SANBR: variants seen among roughly 807,000 people sequenced by gnomAD.
SANBR encodes SANT and BTB domain regulator of CSR.
Under a neutral mutation model 101.8 loss-of-function variants are expected in SANBR, and 77 were observed. The ratio of observed to expected loss-of-function variants is 0.76; its 90% confidence interval spans 0.63 to 0.91. The LOEUF (loss-of-function observed/expected upper bound fraction) is 0.91, where lower values mean the gene tolerates loss of function less well. Among genes scored for constraint, SANBR ranks in the 40% least tolerant of loss-of-function variants. The probability of loss-of-function intolerance (pLI) is 0.00; values close to 1 mark genes in which losing one functional copy is unlikely to be tolerated. For synonymous variants in SANBR, 279 were observed against 274.7 expected, an observed-to-expected ratio of 1.02 and a Z score of -0.15; for missense variants, 875 against 853.0, an observed-to-expected ratio of 1.03 and a Z score of -0.32.
chr2:61,077,043 G>T lies in SANBR; in HGVS notation c.555G>T (p.Gln185His), dbSNP rs927350334. The T allele has an allele frequency of 6.2e-7, 1 of 1,613,982 alleles. No homozygotes were observed. The highest frequency in any genetic ancestry group is 8.5e-7 in the Non-Finnish European group (1 of 1,179,884). ...CTGAATATTTATCTATGGATGCCCAGCGCTGGGAAGAGGTGGACATTTCAG... is the reference window on the plus strand; with the variant it reads ...CTGAATATTTATCTATGGATGCCCATCGCTGGGAAGAGGTGGACATTTCAG... ...YFAEYLSMDAQRWEEVDISVH... is the reference protein window; with the variant it reads ...YFAEYLSMDAHRWEEVDISVH... The change falls in exon 6 of 22, where the codon CAG (glutamine) becomes CAT (histidine). Residue 185 changes from glutamine to histidine, a missense_variant. Coordinates refer to ENST00000402291, the MANE Select transcript of SANBR (RefSeq NM_001129993.3).
At chr2:61,108,204 G>GA (rs1683665461) in intron 14 of SANBR, 113 bp from the exon 15 acceptor site, 1 of 553,302 alleles carries the variant, frequency 1.8e-6, no homozygotes, top group African/African-American at 2.0e-5. Flanking sequence ...TTTCAGCCTG[G>GA]AAGGGAACTA....
intron 21 of SANBR, among the ~76,000 whole-genome samples, chr2:61,136,186 C>T (rs780049632): frequency 4.0e-5 from 6 of 151,856 alleles, no homozygotes; most frequent in Non-Finnish European, 5.9e-5. Flanking sequence ...TGCCTGTAGT[C>T]CCAGCTACTC....
intron 20 of SANBR, among the ~76,000 whole-genome samples, chr2:61,118,461 G>A (rs1239550896): frequency 4.0e-5 from 6 of 151,198 alleles, no homozygotes; most frequent in African/African-American, 7.3e-5. Context: ...GGCTGGTCTC[G>A]AACTCCTGAC....
In SANBR at chr2:61,092,588, G is replaced by A; in HGVS notation, c.1212+1G>A. ...GCTGACTTGTTCAAGATGTTATCAG[G>A]TAAGATTTTTTTTTTTAAATATCCT... On this transcript the variant is annotated splice_donor_variant, in intron 11 of 21. Transcript: ENST00000402291. LOFTEE classifies it high-confidence loss of function. 1 of 1,576,738 alleles carries A rather than the reference G, an allele frequency of 6.3e-7. No individual in the cohort carries two copies.
At chr2:61,097,891 A>G (rs1230812138) in intron 12 of SANBR, 39 bp downstream of exon 12, 6 of 1,545,748 alleles carry the variant, frequency 3.9e-6, no homozygotes, top group East Asian at 2.3e-5. Context: ...TACAGTTTTT[A>G]AAGTATAACA....
intron 7 of SANBR, among the ~76,000 whole-genome samples, chr2:61,081,939 G>A (rs1178782247): frequency 2.0e-5 from 3 of 151,648 alleles, no homozygotes; most frequent in East Asian, 1.9e-4. Context: ...GTGAGCCACC[G>A]CACCCAGCCA....
intron 15 of SANBR, among the ~76,000 whole-genome samples, chr2:61,108,817 A>AT (rs1683689138): frequency 6.6e-6 from 1 of 152,194 alleles, no homozygotes; most frequent in Admixed American, 6.6e-5. Flanking sequence ...CCAGGACCAC[A>AT]TTCACCCAGA....
At chr2:61,105,389 G>T (rs1683507004) in intron 13 of SANBR, among the ~76,000 whole-genome samples, 2 of 151,670 alleles carry the variant, frequency 1.3e-5, no homozygotes, top group South Asian at 4.2e-4. Context: ...CATTTCAGTT[G>T]GAGTTTCGCT....
At chr2:61,075,940 T>C (rs1483925321) in intron 5 of SANBR, among the ~76,000 whole-genome samples, 1 of 152,002 alleles carries the variant, frequency 6.6e-6, no homozygotes, top group East Asian at 1.9e-4. Flanking sequence ...AATTAGAGTG[T>C]GTTGCTTAAT....
At chr2:61,115,900 G>T (rs1023245214) in intron 16 of SANBR, 79 bp from the exon 17 acceptor site, 1 of 804,596 alleles carries the variant, frequency 1.2e-6, no homozygotes. Context: ...TTTCTTAATG[G>T]TCTTATTGTT....
At chr2:61,076,533 C>T (rs1252702327) in intron 5 of SANBR, among the ~76,000 whole-genome samples, 1 of 147,872 alleles carries the variant, frequency 6.8e-6, no homozygotes, top group Non-Finnish European at 1.5e-5. Flanking sequence ...GAGGCTGAGG[C>T]AGGAGAATGG....
In SANBR at chr2:61,121,175, T is replaced by C; in HGVS notation, c.2029-10T>C. The C allele has an allele frequency of 6.5e-7, 1 of 1,542,874 alleles. No homozygotes were observed. The highest frequency in any genetic ancestry group is 8.8e-7 in the Non-Finnish European group (1 of 1,139,308). ...TGTGAAGATAACAGTATTGCTTCTTTATTCTGCAGTTTGCAGGAGGTATTT... is the reference window on the plus strand; with the variant it reads ...TGTGAAGATAACAGTATTGCTTCTTCATTCTGCAGTTTGCAGGAGGTATTT... On this transcript the variant is annotated splice_polypyrimidine_tract_variant and intron_variant, in intron 20 of 21. Coordinates refer to ENST00000402291, the MANE Select transcript of SANBR (RefSeq NM_001129993.3).
Position 61,070,496 on chromosome 2 carries a change from A to G in SANBR, c.146A>G (p.Lys49Arg). 1 of 1,606,240 alleles carries G rather than the reference A, an allele frequency of 6.2e-7. No individual in the cohort carries two copies. Among genetic ancestry groups the G allele is most frequent in the East Asian group, 2.3e-5 (1 of 44,320 alleles). ...IARLVPGLTP[K>R]ECAKRFDELK... Reference sequence around the variant, plus strand: ...AGGCTCGTGCCTGGATTAACACCAAAAGAGGTAAATAACAGTCCCCCCAGA... The same window carrying G: ...AGGCTCGTGCCTGGATTAACACCAAGAGAGGTAAATAACAGTCCCCCCAGA... The change falls in exon 3 of 22, where the codon AAA (lysine) becomes AGA (arginine). Residue 49 changes from lysine (K) to arginine (R), a missense_variant. Physicochemically the swap from Lys to Arg is conservative, Grantham distance 26. Transcript: ENST00000402291.
intron 16 of SANBR, among the ~76,000 whole-genome samples, chr2:61,110,205 A>G (rs1413079194): frequency 6.6e-6 from 1 of 152,076 alleles, no homozygotes; most frequent in Non-Finnish European, 1.5e-5. Flanking sequence ...CATATTGTTT[A>G]TTCCTTTTTA....
intron 13 of SANBR, among the ~76,000 whole-genome samples, 197 bp from the exon 14 acceptor site, chr2:61,106,366 G>C (rs568399375): frequency 7.4e-6 from 1 of 135,080 alleles, no homozygotes; most frequent in South Asian, 2.3e-4. Flanking sequence ...CCTCCAGCCT[G>C]GGTGACAGAG....
chr2:61,106,738 C>T, intron 14 of SANBR, 76 bp downstream of exon 14: 1 of 907,272 alleles, frequency 1.1e-6, no homozygotes, highest in Non-Finnish European at 1.7e-6. Flanking sequence ...GGAACCTGAT[C>T]AGTTTAAGTT....
intron 20 of SANBR, 32 bp downstream of exon 20, chr2:61,118,148 T>C (rs1471849616): frequency 7.3e-7 from 1 of 1,362,636 alleles, no homozygotes; most frequent in South Asian, 1.2e-5. Flanking sequence ...ATTGTACTTG[T>C]GTAAAATATG....
chr2:61,077,450 C>G (rs1358755271), intron 6 of SANBR, among the ~76,000 whole-genome samples: 1 of 152,050 alleles, frequency 6.6e-6, no homozygotes, highest in Non-Finnish European at 1.5e-5. Context: ...CCTAATAATA[C>G]CAAGATGTCA....
intron 16 of SANBR, among the ~76,000 whole-genome samples, chr2:61,110,540 A>G (rs934389010): frequency 1.3e-5 from 2 of 152,244 alleles, no homozygotes; most frequent in African/African-American, 2.4e-5. Context: ...TTAGCCGGGC[A>G]TAATGACGGG....
Sources: allele counts gnomAD v4.1 joint callset (sites outside exome capture counted in the v4.1 genomes callset), GRCh38; gene constraint gnomAD v4.1.1; transcripts MANE v1.5; gene names NCBI Gene and HGNC (gene_info 2026-07-23, HGNC 2026-07-21).